The following ETS1 variants were observed in gnomAD, a reference collection of about 807,000 sequenced individuals.
ETS1 encodes the protein protein C-ets-1.
A neutral mutation model predicts 58.6 loss-of-function variants in ETS1; 15 were observed. The observed-to-expected ratio is 0.26, with a 90% CI of 0.17 to 0.39. ETS1 has a LOEUF of 0.39. Ranked by LOEUF, ETS1 falls within the 10% of genes least tolerant of loss-of-function variation. The pLI, the probability that ETS1 is intolerant of heterozygous loss-of-function variation, is 1.00. For missense variants in ETS1, 417 were observed against 610.5 expected (o/e 0.68, Z 3.34); for synonymous variants, 214 against 218.2 (o/e 0.98, Z 0.17).
At chr11:128,521,608 G>C (rs554434816) in intron 3 of ETS1, among the ~76,000 whole-genome samples, 39 of 152,220 alleles carry the variant, frequency 2.6e-4, no homozygotes, top group African/African-American at 7.7e-4. Context: ...TCGCTCATTT[G>C]GGAAAATAAA....
At position 128,461,801 on chromosome 11, in the gene ETS1, C is replaced by T. The variant is rs1365441995; in HGVS notation, c.*560G>A. 1 of 152,802 alleles carries T rather than the reference C, an allele frequency of 6.5e-6. No homozygotes were observed. The highest frequency in any genetic ancestry group is 1.5e-5 in the Non-Finnish European group (1 of 68,096). 9.5% of individuals were successfully genotyped at this position (152,802 alleles called of 1,614,324 possible). ...AAATTTAATAAAATAAATTTTAACA[C>T]AACAACGGTTTTGGCCCCTCCCCAC... On this transcript the variant is annotated 3_prime_UTR_variant, in exon 10 of 10. Transcript: ENST00000392668.
At chr11:128,582,921 G>A (rs931359013) in intron 1 of ETS1, among the ~76,000 whole-genome samples, 3 of 151,642 alleles carry the variant, frequency 2.0e-5, no homozygotes, top group South Asian at 2.1e-4. Context: ...AAAGCACTGC[G>A]GAAAATAGTG....
intron 1 of ETS1, among the ~76,000 whole-genome samples, chr11:128,577,348 T>C (rs1864771723): frequency 6.6e-6 from 1 of 152,184 alleles, no homozygotes; most frequent in African/African-American, 2.4e-5. Context: ...TGCCCCCTCA[T>C]CTAAGAAGGC....
rs1861849369 is a variant in ETS1 at position 128,459,470 on chromosome 11, G to C, written c.*2891C>G. Reference sequence around the variant, plus strand: ...GCCACAAAAATCAGGGCTCTATGTAGGGGAAGTCCCTCTCCAGAATGGAGA... The same window carrying C: ...GCCACAAAAATCAGGGCTCTATGTACGGGAAGTCCCTCTCCAGAATGGAGA... On this transcript the variant is annotated 3_prime_UTR_variant, in exon 10 of 10. Transcript: ENST00000392668. 6.5e-6 allele frequency: 1 copy of C among 152,768 alleles called. No individual in the cohort carries two copies. Among genetic ancestry groups the C allele is most frequent in the Non-Finnish European group, 1.5e-5 (1 of 68,034 alleles). The allele number at this position is 152,768 out of a possible 1,614,324, so 9.5% of individuals were successfully genotyped here.
rs1013995303 is a variant in ETS1, at chr11:128,549,041, G to A, written c.214+7250C>T. Among the ~76,000 whole-genome samples the A allele has an allele frequency of 6.6e-6, 1 of 152,114 alleles. No homozygotes were observed. The highest frequency in any genetic ancestry group is 6.5e-5 in the Admixed American group (1 of 15,292). On this transcript the variant is annotated intron_variant, in intron 3 of 9. Coordinates refer to ENST00000392668, the MANE Select transcript of ETS1 (RefSeq NM_001143820.2). The surrounding 1 kb of genome is among the most constrained non-coding windows in gnomAD (Gnocchi z 4.3). ...GGGGTTAGGGACCGGGAGGCTGGGG[G>A]AGGGGAGCGGGCCGCCTCCTCCAGC...
intron 3 of ETS1, among the ~76,000 whole-genome samples, chr11:128,537,306 G>C (rs1863984869): frequency 6.6e-6 from 1 of 152,072 alleles, no homozygotes; most frequent in Admixed American, 6.6e-5. Context: ...CACTAACACA[G>C]AGTGTGTAGG....
chr11:128,529,314 G>A (rs1451463045), intron 3 of ETS1, among the ~76,000 whole-genome samples: 1 of 152,172 alleles, frequency 6.6e-6, no homozygotes, highest in Non-Finnish European at 1.5e-5. Context: ...CTATATTGAG[G>A]AAGGGTATGG....
chr11:128,486,818 G>A (rs765306511), intron 5 of ETS1, among the ~76,000 whole-genome samples: 11 of 152,156 alleles, frequency 7.2e-5, no homozygotes, highest in Admixed American at 6.5e-5. Context: ...GTGCACCTGC[G>A]GACAGAAAGC....
chr11:128,577,783 G>A (rs1289890805), intron 1 of ETS1, among the ~76,000 whole-genome samples: 1 of 152,138 alleles, frequency 6.6e-6, no homozygotes, highest in Non-Finnish European at 1.5e-5. Context: ...TGCTTAGCTG[G>A]GGAGTAAATC....
intron 3 of ETS1, among the ~76,000 whole-genome samples, chr11:128,490,930 G>A (rs1383191703): frequency 6.6e-6 from 1 of 151,910 alleles, no homozygotes; most frequent in Non-Finnish European, 1.5e-5. Context: ...ATGTTGGCCA[G>A]GCTGGTCTCG....
At chr11:128,558,106 T>C (rs1417777355) in intron 2 of ETS1, among the ~76,000 whole-genome samples, 2 of 152,230 alleles carry the variant, frequency 1.3e-5, no homozygotes, top group African/African-American at 2.4e-5. Context: ...AAATTAGAGC[T>C]GGATGAAGTT....
intron 1 of ETS1, among the ~76,000 whole-genome samples, chr11:128,574,517 CT>C (rs1770702146): frequency 6.6e-6 from 1 of 152,182 alleles, no homozygotes; most frequent in African/African-American, 2.4e-5. Context: ...TCAAAGTACC[CT>C]AGGCCAGGGA....
chr11:128,513,680 A>G (rs1479932717), intron 3 of ETS1, among the ~76,000 whole-genome samples: 1 of 152,248 alleles, frequency 6.6e-6, no homozygotes, highest in Non-Finnish European at 1.5e-5. Context: ...ATGTGTAGGT[A>G]CTAGAAGTAC....
rs1368212331 is a variant in ETS1 at position 128,522,007 on chromosome 11, G to A, written c.215-31431C>T. On this transcript the variant is annotated intron_variant, in intron 3 of 9. Transcript: ENST00000392668. Reference sequence around the variant, plus strand: ...CGGCCGCCTTCATGGTGCCAGGAGTGGGGGACGTACGGGATGGTAGCAAGT... The same window carrying A: ...CGGCCGCCTTCATGGTGCCAGGAGTAGGGGACGTACGGGATGGTAGCAAGT... 11 of 1,582,054 alleles carry A rather than the reference G, an allele frequency of 7.0e-6. No homozygotes were observed. In the Middle Eastern group the frequency reaches 5.0e-4, roughly 73 times the overall value.
At chr11:128,587,116 AAG>A (rs1420976429) in intron 1 of ETS1, among the ~76,000 whole-genome samples, 2 of 152,100 alleles carry the variant, frequency 1.3e-5, no homozygotes, top group Non-Finnish European at 2.9e-5. Context: ...AGAGAATAAA[AAG>A]AAATTTATAT....
chr11:128,563,653 G>A (rs746937789), intron 2 of ETS1, among the ~76,000 whole-genome samples: 18 of 152,194 alleles, frequency 1.2e-4, no homozygotes, highest in Non-Finnish European at 2.2e-4. Flanking sequence ...AGCCTGCAGA[G>A]CCAAAAGTTA....
At chr11:128,529,819 C>T (rs1295572243) in intron 3 of ETS1, among the ~76,000 whole-genome samples, 1 of 152,150 alleles carries the variant, frequency 6.6e-6, no homozygotes, top group Non-Finnish European at 1.5e-5. Context: ...CTTCAATGAG[C>T]AGCATTATAG....
At chr11:128,564,066 A>G (rs1864448899) in intron 2 of ETS1, among the ~76,000 whole-genome samples, 1 of 35,136 alleles carries the variant, frequency 2.8e-5, no homozygotes, top group Non-Finnish European at 5.7e-5. Flanking sequence ...AGTTTTGGTC[A>G]GAGGTATTTG....
chr11:128,528,983 T>G (rs1489479941), intron 3 of ETS1: 1 of 152,260 alleles, frequency 6.6e-6, no homozygotes, highest in Non-Finnish European at 1.5e-5. Flanking sequence ...CCTGGACGTT[T>G]TATACATCAC....
Sources: allele counts gnomAD v4.1 joint callset (sites outside exome capture counted in the v4.1 genomes callset), GRCh38; gene constraint gnomAD v4.1.1; non-coding constraint Gnocchi (gnomAD v3.1); transcripts MANE v1.5; gene names NCBI Gene and HGNC (gene_info 2026-07-23, HGNC 2026-07-21).